The following STN1 variants were observed in gnomAD, a reference collection of about 807,000 sequenced individuals.
The protein encoded by STN1 is STN1 subunit of CST complex.
In STN1, 29 loss-of-function variants were observed where a neutral mutation model predicts 45.5. The ratio of observed to expected loss-of-function variants is 0.64; its 90% CI spans 0.47 to 0.87. STN1 has a LOEUF of 0.87. Among genes scored for constraint, STN1 ranks in the 40% least tolerant of loss-of-function variants. The pLI is 0.00. For synonymous variants in STN1, 148 were observed against 159.0 expected, an observed-to-expected ratio of 0.93 and a Z score of 0.52; for missense variants, 376 against 441.4, an observed-to-expected ratio of 0.85 and a Z score of 1.33.
At chr10:103,891,190 A>G (rs1843137223) in intron 8 of STN1, among the ~76,000 whole-genome samples, 2 of 152,222 alleles carry the variant, frequency 1.3e-5, no homozygotes, top group African/African-American at 4.8e-5. Flanking sequence ...AAAAATAGCC[A>G]CAGCAACACC....
chr10:103,909,828 TAA>T (rs1843278698), intron 3 of STN1, among the ~76,000 whole-genome samples: 1 of 152,152 alleles, frequency 6.6e-6, no homozygotes, highest in Admixed American at 6.5e-5. Flanking sequence ...AATTTAAAGT[TAA>T]GTTTCCCACA....
rs1441531700 is a variant in STN1, at chr10:103,881,793, T to G, written c.*891A>C. On this transcript the variant is annotated 3_prime_UTR_variant, in exon 10 of 10. Coordinates refer to ENST00000224950, the MANE Select transcript of STN1 (RefSeq NM_024928.5). ...ACAGGCCTACAACATACCTCAGATG[T>G]TTTTCCTTTACCTTGTCATTCTGAG... 6.6e-6 allele frequency among the ~76,000 whole-genome samples: 1 copy of G among 152,204 alleles called. No homozygotes were observed. Among genetic ancestry groups the G allele is most frequent in the Non-Finnish European group, 1.5e-5 (1 of 68,032 alleles).
Position 103,878,776 on chromosome 10 carries a change from A to G in STN1, c.*3908T>C, listed in dbSNP as rs1843047418. 6.6e-6 allele frequency: 1 copy of G among 152,276 alleles called. No individual in the cohort carries two copies. Among genetic ancestry groups the G allele is most frequent in the South Asian group, 2.1e-4 (1 of 4,832 alleles). 9.4% of individuals were successfully genotyped at this position (152,276 alleles called of 1,614,324 possible). On this transcript the variant is annotated 3_prime_UTR_variant, in exon 10 of 10. Transcript: ENST00000224950. ...GCATTTCCCAAATATATTTGTGAAC[A>G]TAGTGTTAGTTTGTGTTCATCCAGG...
At position 103,901,164 on chromosome 10, in the gene STN1, G is replaced by A. The variant is rs185197558; in HGVS notation, c.296-941C>T. On this transcript the variant is annotated intron_variant, in intron 4 of 9. Transcript: ENST00000224950. ...GAAGATACTCACATTTCCCAGTTAC[G>A]GCTGGTGGGTGTAAAAGACTATGTA... 4.0e-3 allele frequency among the ~76,000 whole-genome samples: 604 copies of A among 152,192 alleles called. 1 individual carries two copies. The highest frequency in any genetic ancestry group is 0.013 in the African/African-American group (536 of 41,504).
intron 9 of STN1, among the ~76,000 whole-genome samples, chr10:103,886,687 A>AC (rs1843105733): frequency 6.6e-6 from 1 of 152,320 alleles, no homozygotes; most frequent in East Asian, 1.9e-4. Context: ...AGGAAAGAGA[A>AC]CTTCATTTTT....
At chr10:103,917,174 A>G (rs2134380217) in intron 2 of STN1, among the ~76,000 whole-genome samples, 1 of 152,146 alleles carries the variant, frequency 6.6e-6, no homozygotes, top group Admixed American at 6.5e-5. Flanking sequence ...GGGCCAAAGA[A>G]AAACAAATGA....
rs534334881 is a variant in STN1, at chr10:103,883,813, G to C, written c.950-972C>G. Among the ~76,000 whole-genome samples the C allele has an allele frequency of 3.0e-4, 45 of 152,264 alleles. 2 individuals are homozygous for C. In the South Asian group the frequency reaches 8.7e-3, roughly 29 times the overall value. ...CTTTTAAAAATCCACTTATGGGCTA[G>C]GTGCAGTGGCTCACGCCTATAATCC... On this transcript the variant is annotated intron_variant, in intron 9 of 9. Coordinates refer to ENST00000224950, the MANE Select transcript of STN1 (RefSeq NM_024928.5).
At chr10:103,901,158 A>T (rs538027060) in intron 4 of STN1, among the ~76,000 whole-genome samples, 2 of 152,310 alleles carry the variant, frequency 1.3e-5, no homozygotes, top group South Asian at 4.1e-4. Context: ...CACATTTCCC[A>T]GTTACGGCTG....
At chr10:103,913,004 A>C (rs1168096918) in intron 2 of STN1, among the ~76,000 whole-genome samples, 1 of 152,268 alleles carries the variant, frequency 6.6e-6, no homozygotes, top group Non-Finnish European at 1.5e-5. Flanking sequence ...TTGGTTGAGA[A>C]GCAGCAGGAT....
Position 103,910,620 on chromosome 10 carries a change from C to T in STN1, c.136G>A (p.Val46Ile). 1.9e-6 allele frequency: 3 copies of T among 1,589,998 alleles called. No individual in the cohort carries two copies. Among genetic ancestry groups the T allele is most frequent in the Admixed American group, 1.7e-5 (1 of 59,532 alleles). Residue 46 changes from valine to isoleucine, a missense_variant and splice_region_variant, in exon 3 of 10, where the codon GTA becomes ATA. Coordinates refer to ENST00000224950, the MANE Select transcript of STN1 (RefSeq NM_024928.5). Reference sequence around the variant, plus strand: ...ATTGGATGTCCATTGTACAAAAATACACCTAAAATTTAAAAAAAGCAAAGT... The same window carrying T: ...ATTGGATGTCCATTGTACAAAAATATACCTAAAATTTAAAAAAAGCAAAGT... ...DMKESRQVPG[V>I]FLYNGHPIKQ...
At chr10:103,917,724 T>C in intron 1 of STN1, 68 bp from the exon 2 acceptor site, 3 of 1,024,916 alleles carry the variant, frequency 2.9e-6, no homozygotes, top group African/African-American at 1.6e-5. Flanking sequence ...GCCCTGACGC[T>C]GCTCCCAGGT....
intron 9 of STN1, among the ~76,000 whole-genome samples, chr10:103,885,484 C>T (rs961951317): frequency 6.6e-6 from 1 of 152,316 alleles, no homozygotes; most frequent in Non-Finnish European, 1.5e-5. Flanking sequence ...GTCAGAAAGG[C>T]TGTTCTGCTG....
At position 103,905,108 on chromosome 10, in the gene STN1, T is replaced by G. The variant is rs747645473; in HGVS notation, c.278A>C (p.Asn93Thr). ...VINCICWKKL[N>T]TESVSAAPSA... is the part of the protein sequence containing the mutation. ...AAAATTACCTGATACAGACTCAGTA[T>G]TCAACTTTTTCCAGCAGATGCAGTT... is the stretch of plus-strand genomic sequence containing the variant. Residue 93 changes from asparagine to threonine, a missense_variant, in exon 4 of 10, where the codon AAT (asparagine) becomes ACT (threonine). By Grantham distance (65) the Asn-to-Thr change is moderately conservative. Transcript: ENST00000224950. 1 of 1,614,044 alleles carries G rather than the reference T, an allele frequency of 6.2e-7. No individual in the cohort carries two copies. The highest frequency in any genetic ancestry group is 8.5e-7 in the Non-Finnish European group (1 of 1,179,906).
intron 2 of STN1, among the ~76,000 whole-genome samples, chr10:103,914,542 C>T (rs1239865193): frequency 4.6e-5 from 7 of 151,404 alleles, no homozygotes; most frequent in Admixed American, 3.3e-4. Context: ...AACTCAGACA[C>T]GGGGTCTCAC....
rs546796323 is a variant in STN1 at position 103,878,644 on chromosome 10, C to T, written c.*4040G>A. ...TAATTATAAAAATGCCAAAGGATAG[C>T]TATGTGGGGTAAAAAGCACCTGAGA... On this transcript the variant is annotated 3_prime_UTR_variant, in exon 10 of 10. Coordinates refer to ENST00000224950, the MANE Select transcript of STN1 (RefSeq NM_024928.5). 1 of 152,150 alleles carries T rather than the reference C, an allele frequency of 6.6e-6. No homozygotes were observed. 9.4% of individuals were successfully genotyped at this position (152,150 alleles called of 1,614,324 possible).
rs1843269876 is a variant in STN1, at chr10:103,909,428, A to G, written c.229+1099T>C. ...TATATGTATATATGTATATATGTAT[A>G]TATATGTATATATATGTATATATGT... On this transcript the variant is annotated intron_variant, in intron 3 of 9. Coordinates refer to ENST00000224950, the MANE Select transcript of STN1 (RefSeq NM_024928.5). 4.9e-5 allele frequency among the ~76,000 whole-genome samples: 3 copies of G among 60,864 alleles called. No homozygotes were observed. In the Admixed American group the frequency reaches 6.5e-4, roughly 13 times the overall value. The allele number at this position is 60,864 out of a possible 152,430, so 39.9% of individuals were successfully genotyped here.
At chr10:103,907,636 G>C (rs925912120) in intron 3 of STN1, among the ~76,000 whole-genome samples, 4 of 152,138 alleles carry the variant, frequency 2.6e-5, no homozygotes, top group African/African-American at 7.2e-5. Context: ...CTGATTTATA[G>C]TGTTTCATAT....
rs149536866 is a variant in STN1 at position 103,880,695 on chromosome 10, G to A, written c.*1989C>T. 1.2e-4 allele frequency among the ~76,000 whole-genome samples: 19 copies of A among 152,296 alleles called. No homozygotes were observed. The highest frequency in any genetic ancestry group is 2.2e-4 in the Non-Finnish European group (15 of 68,026). ...TGAGGTGTTAGACAGCATGTAGATG[G>A]TATAATCCATGTGGCTGCTGGAGAC... is the stretch of plus-strand genomic sequence containing the variant. On this transcript the variant is annotated 3_prime_UTR_variant, in exon 10 of 10. Coordinates refer to ENST00000224950, the MANE Select transcript of STN1 (RefSeq NM_024928.5).
chr10:103,904,956 A>G, intron 4 of STN1, 135 bp downstream of exon 4: 1 of 776,092 alleles, frequency 1.3e-6, no homozygotes. Flanking sequence ...CTCTGGGTAT[A>G]GTGCTTCAGG....
Sources: gnomAD v4.1 joint callset for allele counts (sites outside exome capture counted in the v4.1 genomes callset) on GRCh38, gnomAD v4.1.1 for gene constraint, MANE v1.5 for transcripts, NCBI Gene and HGNC (gene_info 2026-07-23, HGNC 2026-07-21) for gene names.